The following HS6ST2 variants were observed in gnomAD, a reference collection of about 807,000 sequenced individuals.
HS6ST2 encodes heparan-sulfate 6-O-sulfotransferase 2.
In HS6ST2, 17 loss-of-function variants were observed where a neutral mutation model predicts 33.0. The ratio of observed to expected loss-of-function variants is 0.52; its 90% CI spans 0.35 to 0.77. The LOEUF (loss-of-function observed/expected upper bound fraction) is 0.77. Ranked by LOEUF, HS6ST2 falls within the 30% of genes least tolerant of loss-of-function variation. The probability of loss-of-function intolerance (pLI) is 0.01; values close to 1 mark genes in which losing one functional copy is unlikely to be tolerated. For missense variants in HS6ST2, 519 were observed against 551.7 expected (o/e 0.94, Z 0.59); for synonymous variants, 248 against 237.1 (o/e 1.05, Z -0.42).
chrX:132,848,513 C>T (rs1221514971), intron 2 of HS6ST2, among the ~76,000 whole-genome samples: 4 of 112,434 alleles, frequency 3.6e-5, no homozygotes, highest in African/African-American at 9.7e-5. Flanking sequence ...GGCACTTAGC[C>T]TCAGTGGCGC....
intron 2 of HS6ST2, among the ~76,000 whole-genome samples, chrX:132,743,354 C>T (rs1307655286): frequency 9.0e-6 from 1 of 111,614 alleles, no homozygotes; most frequent in East Asian, 2.8e-4. Flanking sequence ...GGCCCCAGGG[C>T]ATGGATCTAG....
In HS6ST2 at chrX:132,757,400, G is replaced by C. The variant is rs1233577377; in HGVS notation, c.948-48906C>G. On this transcript the variant is annotated intron_variant, in intron 2 of 4. Transcript: ENST00000370833. The stretch of plus-strand genomic sequence containing the variant: ...GCCCCTGGTTTCTGCCACCAAAGCA[G>C]TCAGGCAGGCTCACTTCCTCACCTC... Among the ~76,000 whole-genome samples, 9 of 111,858 alleles carry C rather than the reference G, an allele frequency of 8.0e-5. No individual in the cohort carries two copies. The Admixed American group carries it at 8.5e-4, about 11-fold the overall frequency.
At chrX:132,910,735 G>A (rs2066523455) in intron 2 of HS6ST2, among the ~76,000 whole-genome samples, 1 of 111,709 alleles carries the variant, frequency 9.0e-6, no homozygotes, top group Non-Finnish European at 1.9e-5. Context: ...TTGTTCCAGG[G>A]CGTATCCAAC....
At chrX:132,656,824 C>G (rs1367456693) in intron 4 of HS6ST2, among the ~76,000 whole-genome samples, 1 of 111,774 alleles carries the variant, frequency 8.9e-6, no homozygotes, top group Non-Finnish European at 1.9e-5. Flanking sequence ...ATTTACCACT[C>G]CAGACTACCC....
chrX:132,753,519 C>T (rs2064728335), intron 2 of HS6ST2, among the ~76,000 whole-genome samples: 1 of 111,783 alleles, frequency 8.9e-6, no homozygotes, highest in African/African-American at 3.3e-5. Flanking sequence ...GGGAGTTCCC[C>T]TGCACAAGCT....
chrX:132,764,906 GA>G (rs1207531282), intron 2 of HS6ST2, among the ~76,000 whole-genome samples: 2 of 112,249 alleles, frequency 1.8e-5, no homozygotes, highest in Non-Finnish European at 3.8e-5. Context: ...ACAAGCCAGA[GA>G]AGATCCAACA....
At chrX:132,912,479 T>A (rs2066544770) in intron 2 of HS6ST2, among the ~76,000 whole-genome samples, 1 of 112,928 alleles carries the variant, frequency 8.9e-6, no homozygotes, top group Non-Finnish European at 1.9e-5. Flanking sequence ...CTGCTTTATA[T>A]GGAGCTAGAA....
chrX:132,742,520 T>C (rs1381004501), intron 2 of HS6ST2, among the ~76,000 whole-genome samples: 1 of 111,553 alleles, frequency 9.0e-6, no homozygotes, highest in African/African-American at 3.3e-5. Context: ...AGAGAGCCCA[T>C]TGCATAAAGG....
intron 2 of HS6ST2, among the ~76,000 whole-genome samples, chrX:132,906,057 C>T (rs1056026977): frequency 9.0e-6 from 1 of 111,658 alleles, no homozygotes; most frequent in African/African-American, 3.3e-5. Context: ...ACAAATCCCA[C>T]AAAAATACTT....
chrX:132,829,462 AG>A lies in HS6ST2; in HGVS notation c.948-120969del, dbSNP rs556919741. On this transcript the variant is annotated intron_variant, in intron 2 of 4. Transcript: ENST00000370833. ...ATCTGGGTGGCATTTACCCAAATGT[AG>A]GTATGTAAAAATTCCCCAAGCCTAT... Among the ~76,000 whole-genome samples, 61 of 108,834 alleles carry A rather than the reference AG, an allele frequency of 5.6e-4. 1 individual carries two copies. The South Asian group carries it at 0.022, about 40-fold the overall frequency. 94.5% of individuals were successfully genotyped at this position (108,834 alleles called of 115,157 possible).
chrX:132,844,531 C>T (rs964778374), intron 2 of HS6ST2, among the ~76,000 whole-genome samples: 4 of 111,522 alleles, frequency 3.6e-5, no homozygotes, highest in Non-Finnish European at 7.5e-5. Flanking sequence ...TCACTACTGT[C>T]TCTCCCTTCA....
At position 132,835,461 on chromosome X, in the gene HS6ST2, A is replaced by G. The variant is rs189109590; in HGVS notation, c.947+121347T>C. Among the ~76,000 whole-genome samples the G allele has an allele frequency of 9.9e-5, 11 of 111,617 alleles. No individual in the cohort carries two copies. In the Admixed American group the frequency reaches 1.0e-3, roughly 11 times the overall value. On this transcript the variant is annotated intron_variant, in intron 2 of 4. Coordinates refer to ENST00000370833, the MANE Select transcript of HS6ST2 (RefSeq NM_001394073.1). ...AGGCAGTAATGACAGCGGCTCTCTT[A>G]AACAGTACCCGATGATTACTTCTCC...
upstream of HS6ST2, among the ~76,000 whole-genome samples, chrX:132,959,900 G>A (rs1221207070): frequency 1.8e-5 from 2 of 112,104 alleles, no homozygotes; most frequent in Non-Finnish European, 3.8e-5. Flanking sequence ...CCGTTCTCAG[G>A]CAATTCTGTG....
intron 4 of HS6ST2, among the ~76,000 whole-genome samples, chrX:132,661,672 T>C (rs1345821246): frequency 8.9e-6 from 1 of 112,313 alleles, no homozygotes; most frequent in African/African-American, 3.2e-5. Flanking sequence ...GCTTCTTTTT[T>C]CTTTTTGCAA....
chrX:132,678,227 A>G (rs1167596043), intron 3 of HS6ST2, among the ~76,000 whole-genome samples: 1 of 111,957 alleles, frequency 8.9e-6, no homozygotes, highest in East Asian at 2.8e-4. Flanking sequence ...GTGGTGGCAC[A>G]TGCCTGTCAT....
intron 4 of HS6ST2, among the ~76,000 whole-genome samples, chrX:132,664,432 T>C (rs2063795797): frequency 8.9e-6 from 1 of 112,360 alleles, no homozygotes; most frequent in South Asian, 3.7e-4. Context: ...TGGATACTAC[T>C]GAATAGATAA....
chrX:132,909,035 G>A (rs1294686585), intron 2 of HS6ST2, among the ~76,000 whole-genome samples: 2 of 104,903 alleles, frequency 1.9e-5, no homozygotes, highest in African/African-American at 7.0e-5. Flanking sequence ...TGGAAGCCCA[G>A]GTTTGGGATT....
rs2067084431 is a variant in HS6ST2, at chrX:132,957,074, G to C, written c.681C>G (p.Asp227Glu). ...TCTGGATGTGCAGGAACACGATCAG[G>C]TCATCGCCCTTGATGTCGAAGTCTA... ...RKVDFDIKGD[D>E]LIVFLHIQKT... Residue 227 changes from aspartate to glutamate, a missense_variant, in exon 2 of 5, where the codon GAC (aspartate) becomes GAG (glutamate). Physicochemically the swap from Asp to Glu is conservative, Grantham distance 45. Transcript: ENST00000370833. The C allele has an allele frequency of 8.3e-7, 1 of 1,210,455 alleles. No individual in the cohort carries two copies. The highest frequency in any genetic ancestry group is 1.7e-5 in the African/African-American group (1 of 57,336).
At chrX:132,743,137 T>C (rs969647131) in intron 2 of HS6ST2, among the ~76,000 whole-genome samples, 5 of 112,544 alleles carry the variant, frequency 4.4e-5, no homozygotes, top group East Asian at 2.8e-4. Flanking sequence ...AGCCAATGAC[T>C]GGCTGGAATC....
Sources: allele counts gnomAD v4.1 joint callset (sites outside exome capture counted in the v4.1 genomes callset), GRCh38; gene constraint gnomAD v4.1.1; transcripts MANE v1.5; gene names NCBI Gene and HGNC (gene_info 2026-07-23, HGNC 2026-07-21).